CPPED1: variants seen among roughly 807,000 people sequenced by gnomAD.
The protein encoded by CPPED1 is serine/threonine-protein phosphatase CPPED1.
Under a neutral mutation model 28.0 loss-of-function variants are expected in CPPED1, and 28 were observed. The observed-to-expected ratio is 1.00, with a 90% confidence interval of 0.74 to 1.37. The LOEUF (loss-of-function observed/expected upper bound fraction) is 1.37, where lower values mean the gene tolerates loss of function less well. Among genes scored for constraint, CPPED1 ranks in the 40% most tolerant of loss-of-function variants. The probability of loss-of-function intolerance (pLI) is 0.00; values close to 1 mark genes in which losing one functional copy is unlikely to be tolerated. For missense variants in CPPED1, 504 were observed against 416.5 expected, an observed-to-expected ratio of 1.21 and a Z score of -1.83; for synonymous variants, 198 against 180.2, an observed-to-expected ratio of 1.10 and a Z score of -0.79.
chr16:12,765,703 A>G (rs958054705), intron 2 of CPPED1, among the ~76,000 whole-genome samples: 1 of 152,236 alleles, frequency 6.6e-6, no homozygotes, highest in Non-Finnish European at 1.5e-5. Flanking sequence ...AATAGAACCT[A>G]CCATGGCTTT....
At chr16:12,725,022 G>A (rs747825919) in intron 2 of CPPED1, among the ~76,000 whole-genome samples, 2 of 151,748 alleles carry the variant, frequency 1.3e-5, no homozygotes, top group Non-Finnish European at 1.5e-5. Flanking sequence ...TCCTGACCTC[G>A]TGATCCACCT....
intron 1 of CPPED1, among the ~76,000 whole-genome samples, chr16:12,803,156 A>C (rs1339366188): frequency 6.6e-6 from 1 of 152,228 alleles, no homozygotes; most frequent in Non-Finnish European, 1.5e-5. Flanking sequence ...CCAAAATCCA[A>C]GCACTTCACT....
At chr16:12,685,166 C>T (rs1006908836) in intron 3 of CPPED1, among the ~76,000 whole-genome samples, 5 of 152,158 alleles carry the variant, frequency 3.3e-5, no homozygotes, top group African/African-American at 1.2e-4. Flanking sequence ...TAATAGATCC[C>T]TCAGCCAGGT....
chr16:12,799,127 G>A (rs12708763), intron 1 of CPPED1, among the ~76,000 whole-genome samples: 39,414 of 152,002 alleles, frequency 0.26, 6,565 homozygotes, highest in African/African-American at 0.47. Context: ...ACTGCTCAAT[G>A]AGCTGATTCT....
At chr16:12,773,436 C>A (rs981770884) in intron 2 of CPPED1, among the ~76,000 whole-genome samples, 1 of 152,302 alleles carries the variant, frequency 6.6e-6, no homozygotes, top group Admixed American at 6.5e-5. Context: ...TAAAAAGTGG[C>A]CCCGACTCGG....
intron 1 of CPPED1, among the ~76,000 whole-genome samples, chr16:12,784,286 G>C (rs182841188): frequency 1.3e-5 from 2 of 150,160 alleles, no homozygotes; most frequent in African/African-American, 4.8e-5. Flanking sequence ...GCTTGGAAGA[G>C]GACACTCCTC....
chr16:12,754,115 G>A (rs2080349140), intron 2 of CPPED1, among the ~76,000 whole-genome samples: 1 of 152,148 alleles, frequency 6.6e-6, no homozygotes, highest in African/African-American at 2.4e-5. Flanking sequence ...AAACAGAGAC[G>A]CTTAGTCCCT....
chr16:12,756,374 T>G lies in CPPED1; in HGVS notation c.289+24811A>C, dbSNP rs1000011067. ...ACGTGGGCAGTTCCACGCAAACTAC[T>G]CTGGGGCTGTGGCAGCAGAGATGCA... On this transcript the variant is annotated intron_variant, in intron 2 of 3. Transcript: ENST00000381774. Among the ~76,000 whole-genome samples, 3 of 152,272 alleles carry G rather than the reference T, an allele frequency of 2.0e-5. No homozygotes were observed. The East Asian group carries it at 5.8e-4, about 29-fold the overall frequency.
intron 3 of CPPED1, among the ~76,000 whole-genome samples, chr16:12,689,665 C>T (rs2079952043): frequency 6.6e-6 from 1 of 152,110 alleles, no homozygotes; most frequent in Admixed American, 6.6e-5. Context: ...TGCAGGATTT[C>T]ACAAAGCCGA....
At chr16:12,802,583 A>G (rs997469509) in intron 1 of CPPED1, among the ~76,000 whole-genome samples, 1 of 152,228 alleles carries the variant, frequency 6.6e-6, no homozygotes, top group African/African-American at 2.4e-5. Context: ...CCTGGGCAAT[A>G]AAGCAAGACT....
chr16:12,773,434 GGC>G (rs1359402001), intron 2 of CPPED1, among the ~76,000 whole-genome samples: 1 of 152,128 alleles, frequency 6.6e-6, no homozygotes, highest in African/African-American at 2.4e-5. Flanking sequence ...ATTAAAAAGT[GGC>G]CCCGACTCGG....
At chr16:12,800,353 G>A (rs1045321328) in intron 1 of CPPED1, among the ~76,000 whole-genome samples, 8 of 151,260 alleles carry the variant, frequency 5.3e-5, no homozygotes, top group African/African-American at 1.5e-4. Context: ...CAGGAGAATC[G>A]TTTGAACGTG....
intron 1 of CPPED1, among the ~76,000 whole-genome samples, chr16:12,801,112 G>C (rs1408343608): frequency 6.6e-6 from 1 of 151,816 alleles, no homozygotes; most frequent in Non-Finnish European, 1.5e-5. Flanking sequence ...TGTTTGTTTT[G>C]AGCTGGAGTC....
chr16:12,787,881 C>T (rs2080573808), intron 1 of CPPED1, among the ~76,000 whole-genome samples: 1 of 152,200 alleles, frequency 6.6e-6, no homozygotes, highest in Non-Finnish European at 1.5e-5. Flanking sequence ...TGCAAGGTCT[C>T]TCACAAGCTG....
chr16:12,746,798 T>C (rs961189212), intron 2 of CPPED1, among the ~76,000 whole-genome samples: 2 of 152,116 alleles, frequency 1.3e-5, no homozygotes, highest in Admixed American at 6.6e-5. Context: ...TCTTATGTAA[T>C]ACGCAAAGTG....
intron 2 of CPPED1, among the ~76,000 whole-genome samples, chr16:12,758,746 A>G (rs1004938298): frequency 3.9e-5 from 6 of 152,206 alleles, no homozygotes; most frequent in African/African-American, 1.4e-4. Flanking sequence ...TACTACAAGT[A>G]GAAGGAATTG....
chr16:12,736,873 G>A (rs995016404), intron 2 of CPPED1, among the ~76,000 whole-genome samples: 2 of 152,128 alleles, frequency 1.3e-5, no homozygotes, highest in African/African-American at 2.4e-5. Flanking sequence ...GCAGTGGGGA[G>A]GGGAAGAGCT....
intron 2 of CPPED1, among the ~76,000 whole-genome samples, chr16:12,708,148 A>G (rs2080061290): frequency 6.6e-6 from 1 of 151,706 alleles, no homozygotes; most frequent in South Asian, 2.1e-4. Flanking sequence ...TTCTGTCTCA[A>G]AAAAATTATT....
Position 12,686,227 on chromosome 16 carries a change from G to GTA in CPPED1, c.715+18395_715+18396dup, listed in dbSNP as rs149918404. Reference sequence around the variant, plus strand: ...TTTGAAGATTGCTTGTTTATTAATTGTATATATATATATATTTTTTTTTTT... The same window carrying GTA: ...TTTGAAGATTGCTTGTTTATTAATTGTATATATATATATATATTTTTTTTTTT... On this transcript the variant is annotated intron_variant, in intron 3 of 3. Transcript: ENST00000381774. 7.7e-4 allele frequency among the ~76,000 whole-genome samples: 97 copies of GTA among 125,442 alleles called. 1 individual carries two copies. In the East Asian group the frequency reaches 8.7e-3, roughly 11 times the overall value. The allele number at this position is 125,442 out of a possible 152,430, so 82.3% of individuals were successfully genotyped here. A position where few individuals can be genotyped will look rare whatever the true frequency, so the allele number is the denominator to read the frequency against.
Sources: allele counts gnomAD v4.1 joint callset (sites outside exome capture counted in the v4.1 genomes callset), GRCh38; gene constraint gnomAD v4.1.1; transcripts MANE v1.5; gene names NCBI Gene and HGNC (gene_info 2026-07-23, HGNC 2026-07-21).